Variants in SLC6A5 observed in about 807,000 individuals in gnomAD.
SLC6A5 encodes sodium- and chloride-dependent glycine transporter 2.
SLC6A5 carries 58 observed loss-of-function variants against 90.5 expected under a neutral mutation model. The ratio of observed to expected loss-of-function variants is 0.64; its 90% CI spans 0.52 to 0.80. The LOEUF (loss-of-function observed/expected upper bound fraction) is 0.80. SLC6A5 is among the 30% of genes least tolerant of loss of function. SLC6A5 has a pLI of 0.00. For synonymous variants in SLC6A5, 427 were observed against 401.4 expected (o/e 1.06, Z -0.76); for missense variants, 1,015 against 1,017.6 (o/e 1.00, Z 0.03).
In SLC6A5 at chr11:20,614,725, G is replaced by A. The variant is rs758648041; in HGVS notation, c.1032G>A (p.Ser344=). 1.2e-5 allele frequency: 19 copies of A among 1,613,876 alleles called. No homozygotes were observed. Among genetic ancestry groups the A allele is most frequent in the African/African-American group, 2.7e-5 (2 of 75,024 alleles). ...ATCCCAAAATACAGATCAAGAACTC[G>A]ACTTTCTGCATGACCGCTTATCCCA... is the stretch of plus-strand genomic sequence containing the variant. ...SDHPKIQIKN[S]TFCMTAYPNV... The change falls in exon 6 of 16, where the codon TCG becomes TCA. Residue 344 remains serine (S), a synonymous_variant. Coordinates refer to ENST00000525748, the MANE Select transcript of SLC6A5 (RefSeq NM_004211.5).
At chr11:20,626,685 C>T in intron 7 of SLC6A5, 23 bp from the exon 8 acceptor site, 2 of 1,613,694 alleles carry the variant, frequency 1.2e-6, no homozygotes, top group East Asian at 2.2e-5. Context: ...TTCTTCCAGC[C>T]CCTCTGCCCA....
chr11:20,639,434 T>C (rs1718478938), intron 13 of SLC6A5, among the ~76,000 whole-genome samples: 1 of 152,080 alleles, frequency 6.6e-6, no homozygotes, highest in African/African-American at 2.4e-5. Flanking sequence ...GACAGCAACA[T>C]ATTCTAAGCT....
In SLC6A5 at chr11:20,637,309, C is replaced by T. The variant is rs1853228117; in HGVS notation, c.1869+6C>T. 6.3e-7 allele frequency: 1 copy of T among 1,599,492 alleles called. No homozygotes were observed. Among genetic ancestry groups the T allele is most frequent in the Admixed American group, 1.7e-5 (1 of 59,584 alleles). ...GTTTTCCAATGATCACTCAGGTAAG[C>T]TGCCTCCTAGGCACAGGCTTGGGGT... On this transcript the variant is annotated splice_donor_region_variant and intron_variant, in intron 12 of 15. Coordinates refer to ENST00000525748, the MANE Select transcript of SLC6A5 (RefSeq NM_004211.5).
At chr11:20,639,486 C>T (rs1396338349) in intron 13 of SLC6A5, among the ~76,000 whole-genome samples, 2 of 152,130 alleles carry the variant, frequency 1.3e-5, no homozygotes, top group African/African-American at 2.4e-5. Context: ...AGGATATGCT[C>T]GAGGGACAAA....
chr11:20,607,446 T>A, intron 4 of SLC6A5, 33 bp from the exon 5 acceptor site: 1 of 1,613,388 alleles, frequency 6.2e-7, no homozygotes, highest in Non-Finnish European at 8.5e-7. Flanking sequence ...GCATTTAAGA[T>A]GGAATGAACC....
intron 15 of SLC6A5, among the ~76,000 whole-genome samples, chr11:20,654,343 CTG>C (rs1271669683): frequency 1.3e-5 from 2 of 151,672 alleles, no homozygotes; most frequent in African/African-American, 2.4e-5. Flanking sequence ...GTTTTGCAGA[CTG>C]TGTTTGGCAG....
In SLC6A5 at chr11:20,599,647, AG is replaced by A; in HGVS notation, c.-25del. 1 of 1,614,018 alleles carries A rather than the reference AG, an allele frequency of 6.2e-7. No homozygotes were observed. The highest frequency in any genetic ancestry group is 2.2e-5 in the East Asian group (1 of 44,864). On this transcript the variant is annotated 5_prime_UTR_variant, in exon 1 of 16. Transcript: ENST00000525748. ...TCAATAGCGGGTTTCACCCTCCACC[AG>A]TTCAGTCTGTTGCCTGTGTCAGACA...
chr11:20,614,696 G>T lies in SLC6A5; in HGVS notation c.1003G>T (p.Asp335Tyr). The T allele has an allele frequency of 1.2e-6, 2 of 1,613,844 alleles. No homozygotes were observed. The highest frequency in any genetic ancestry group is 1.1e-5 in the South Asian group (1 of 91,044). Residue 335 changes from aspartate to tyrosine, a missense_variant, in exon 6 of 16, where the codon GAC becomes TAC. This residue lies in a region of SLC6A5 where 567 missense variants were observed against 507.3 expected (regional missense o/e 1.12). Transcript: ENST00000525748. ...CTAAACAGATTCCTGTGTTATCAGT[G>T]ACCATCCCAAAATACAGATCAAGAA... The part of the protein sequence containing the change: ...KLLLDSCVIS[D>Y]HPKIQIKNST...
chr11:20,639,757 C>A (rs900666144), intron 13 of SLC6A5, among the ~76,000 whole-genome samples: 1 of 152,172 alleles, frequency 6.6e-6, no homozygotes, highest in Non-Finnish European at 1.5e-5. Context: ...CCTCCTGGTA[C>A]TCCAGAAACA....
chr11:20,634,520 G>A (rs1590173565), intron 10 of SLC6A5, among the ~76,000 whole-genome samples: 1 of 152,304 alleles, frequency 6.6e-6, no homozygotes, highest in Admixed American at 6.5e-5. Context: ...TCTGGTAGTG[G>A]CCATTCAAGA....
intron 13 of SLC6A5, among the ~76,000 whole-genome samples, chr11:20,640,585 G>A (rs1853293897): frequency 6.6e-6 from 1 of 152,078 alleles, no homozygotes; most frequent in Admixed American, 6.5e-5. Flanking sequence ...GGCTCAGGTT[G>A]AACCTGACTT....
chr11:20,637,368 G>A, intron 12 of SLC6A5, 65 bp downstream of exon 12: 1 of 1,443,750 alleles, frequency 6.9e-7, no homozygotes, highest in Admixed American at 1.7e-5. Flanking sequence ...ATAGCTATCT[G>A]TCTTTCAACC....
intron 7 of SLC6A5, among the ~76,000 whole-genome samples, chr11:20,621,658 G>A (rs1466268966): frequency 6.6e-6 from 1 of 152,236 alleles, no homozygotes; most frequent in African/African-American, 2.4e-5. Context: ...GGGAGCCAAG[G>A]TGGATGCGCA....
At chr11:20,614,647 A>T (rs762966930) in intron 5 of SLC6A5, 32 bp from the exon 6 acceptor site, 5 of 1,604,396 alleles carry the variant, frequency 3.1e-6, no homozygotes, top group Non-Finnish European at 4.3e-6. Flanking sequence ...TACAGATTTA[A>T]CTGTGTTTCT....
intron 6 of SLC6A5, among the ~76,000 whole-genome samples, chr11:20,616,396 G>A (rs1242981357): frequency 1.3e-5 from 2 of 152,162 alleles, no homozygotes; most frequent in Non-Finnish European, 2.9e-5. Context: ...ATGCAGTCAG[G>A]TGTACTAAAA....
At position 20,656,843 on chromosome 11, in the gene SLC6A5, C is replaced by T. The variant is rs1353209511; in HGVS notation, c.*1975C>T. 3 of 152,186 alleles carry T rather than the reference C, an allele frequency of 2.0e-5. No homozygotes were observed. The highest frequency in any genetic ancestry group is 7.2e-5 in the African/African-American group (3 of 41,432). 9.4% of individuals were successfully genotyped at this position (152,186 alleles called of 1,614,324 possible). ...GCTTTAGGAAGCTGAGCTGTGGCCT[C>T]ACCTGTCTGCCATGAACACAGATTT... On this transcript the variant is annotated 3_prime_UTR_variant, in exon 16 of 16. Coordinates refer to ENST00000525748, the MANE Select transcript of SLC6A5 (RefSeq NM_004211.5).
At chr11:20,628,144 A>C in intron 9 of SLC6A5, 61 bp downstream of exon 9, 2 of 1,309,098 alleles carry the variant, frequency 1.5e-6, no homozygotes, top group Non-Finnish European at 2.2e-6. Context: ...GAATGGACTG[A>C]GTTATCAGAC....
At chr11:20,646,805 A>T (rs1477222603) in intron 13 of SLC6A5, 29 bp from the exon 14 acceptor site, 1 of 1,499,602 alleles carries the variant, frequency 6.7e-7, no homozygotes, top group Non-Finnish European at 9.3e-7. Flanking sequence ...ACTGTGCCTT[A>T]TACCTGTTCT....
At chr11:20,604,729 G>T (rs991980252) in intron 3 of SLC6A5, among the ~76,000 whole-genome samples, 1 of 152,160 alleles carries the variant, frequency 6.6e-6, no homozygotes, top group African/African-American at 2.4e-5. Flanking sequence ...GGGTGCTAGC[G>T]GTCAAGTGTT....
Sources: gnomAD v4.1 joint callset for allele counts (sites outside exome capture counted in the v4.1 genomes callset) on GRCh38, gnomAD v4.1.1 for gene constraint, gnomAD v4.1.1 regional missense constraint, MANE v1.5 for transcripts, NCBI Gene and HGNC (gene_info 2026-07-23, HGNC 2026-07-21) for gene names.